Variants in BBX observed in about 807,000 individuals in gnomAD.
BBX encodes the protein HMG box transcription factor BBX.
A neutral mutation model predicts 100.2 loss-of-function variants in BBX; 30 were observed. The ratio of observed to expected loss-of-function variants is 0.30; its 90% confidence interval spans 0.22 to 0.41. The LOEUF is 0.41. Ranked by LOEUF, BBX falls within the 10% of genes least tolerant of loss-of-function variation. The pLI, the probability that BBX is intolerant of heterozygous loss-of-function variation, is 1.00. For missense variants in BBX, 1,023 were observed against 1,129.8 expected, an observed-to-expected ratio of 0.91 and a Z score of 1.35; for synonymous variants, 376 against 388.1, an observed-to-expected ratio of 0.97 and a Z score of 0.37.
At chr3:107,792,906 A>G (rs1228790546) in intron 15 of BBX, among the ~76,000 whole-genome samples, 4 of 152,118 alleles carry the variant, frequency 2.6e-5, no homozygotes, top group Non-Finnish European at 5.9e-5. Context: ...TGAAAACCCT[A>G]CAGAGGTACC....
In BBX at chr3:107,763,255, C is replaced by T. The variant is rs6437741; in HGVS notation, c.906+7577C>T. ...TTTTTTTTTTTTTGAGACAGAGTCT[C>T]GCTCTGTTGCCCAGGCTGGAGTGCG... On this transcript the variant is annotated intron_variant, in intron 10 of 17. Coordinates refer to ENST00000325805, the MANE Select transcript of BBX (RefSeq NM_001142568.3). 2.1e-3 allele frequency among the ~76,000 whole-genome samples: 302 copies of T among 146,650 alleles called. 1 individual carries two copies. Among genetic ancestry groups the T allele is most frequent in the African/African-American group, 6.9e-3 (275 of 39,802 alleles).
chr3:107,725,444 T>C (rs2062851517), intron 5 of BBX, among the ~76,000 whole-genome samples: 1 of 152,108 alleles, frequency 6.6e-6, no homozygotes, highest in Admixed American at 6.6e-5. Context: ...TCCAACACTA[T>C]GTTGAATAGG....
intron 3 of BBX, among the ~76,000 whole-genome samples, chr3:107,696,900 T>G (rs2060646872): frequency 1.3e-5 from 2 of 151,668 alleles, no homozygotes; most frequent in Admixed American, 6.5e-5. Context: ...GTCGTTTCTT[T>G]TTATTCTTTT....
intron 3 of BBX, among the ~76,000 whole-genome samples, chr3:107,655,511 AT>A (rs35368803): frequency 0.39 from 45,819 of 117,280 alleles, 9,342 homozygotes; most frequent in East Asian, 0.82. Flanking sequence ...ATGATAATTA[AT>A]TTTTTTTTTT....
rs767894559 is a variant in BBX, at chr3:107,732,946, A to G, written c.602-10A>G. 6.2e-7 allele frequency: 1 copy of G among 1,610,958 alleles called. No individual in the cohort carries two copies. The highest frequency in any genetic ancestry group is 8.5e-7 in the Non-Finnish European group (1 of 1,178,350). ...CTTATAAGTTGGTGATTTGTTTTTG[A>G]CTTATTTAGATCCTACTCAAATGGG... On this transcript the variant is annotated splice_polypyrimidine_tract_variant and intron_variant, in intron 6 of 17. Transcript: ENST00000325805.
chr3:107,760,565 TAA>T (rs2065818413), intron 10 of BBX, among the ~76,000 whole-genome samples: 1 of 152,040 alleles, frequency 6.6e-6, no homozygotes, highest in Admixed American at 6.6e-5. Flanking sequence ...GAATAAGAAA[TAA>T]AGAGTGCAAG....
chr3:107,615,844 G>A (rs1016916339), intron 2 of BBX, among the ~76,000 whole-genome samples: 2 of 151,930 alleles, frequency 1.3e-5, no homozygotes, highest in Non-Finnish European at 2.9e-5. Flanking sequence ...GGCAATCATT[G>A]GCATATATTA....
intron 3 of BBX, among the ~76,000 whole-genome samples, chr3:107,698,423 C>T (rs1443736926): frequency 6.6e-6 from 1 of 151,484 alleles, no homozygotes; most frequent in Non-Finnish European, 1.5e-5. Context: ...GAGGCTGAAG[C>T]GGGCGGCTCA....
intron 3 of BBX, among the ~76,000 whole-genome samples, chr3:107,670,612 T>C (rs1001656112): frequency 1.3e-5 from 2 of 152,058 alleles, no homozygotes; most frequent in African/African-American, 2.4e-5. Flanking sequence ...TAAACAGGAA[T>C]GTTTAGGAAA....
chr3:107,531,352 C>T (rs991192900), intron 2 of BBX, among the ~76,000 whole-genome samples: 6 of 152,076 alleles, frequency 3.9e-5, no homozygotes, highest in East Asian at 1.9e-4. Context: ...TTATTAGTTG[C>T]GGGACTCTGA....
At chr3:107,723,045 T>TA (rs2062653123) in intron 5 of BBX, among the ~76,000 whole-genome samples, 1 of 152,060 alleles carries the variant, frequency 6.6e-6, no homozygotes, top group Non-Finnish European at 1.5e-5. Flanking sequence ...TATCTCTTTC[T>TA]AAAAAATCCA....
intron 5 of BBX, among the ~76,000 whole-genome samples, chr3:107,727,846 G>A (rs1227417398): frequency 6.6e-6 from 1 of 152,132 alleles, no homozygotes; most frequent in Non-Finnish European, 1.5e-5. Flanking sequence ...AAGCTTATGG[G>A]ATTGAATGAA....
chr3:107,630,828 T>C (rs773337750), intron 2 of BBX, among the ~76,000 whole-genome samples: 2 of 152,094 alleles, frequency 1.3e-5, no homozygotes, highest in Non-Finnish European at 2.9e-5. Context: ...TACTCAACAG[T>C]GTCAGTCATG....
intron 2 of BBX, among the ~76,000 whole-genome samples, chr3:107,607,628 A>G (rs542176695): frequency 2.0e-5 from 3 of 150,820 alleles, no homozygotes; most frequent in Non-Finnish European, 1.5e-5. Flanking sequence ...TTTCTGAGGA[A>G]CCTCCCAACC....
chr3:107,755,279 T>G (rs2065385289), intron 9 of BBX, among the ~76,000 whole-genome samples: 1 of 152,212 alleles, frequency 6.6e-6, no homozygotes, highest in South Asian at 2.1e-4. Flanking sequence ...TATATTTGAC[T>G]AGTTATTAAG....
At chr3:107,621,268 T>G (rs1559883918) in intron 2 of BBX, among the ~76,000 whole-genome samples, 1 of 152,208 alleles carries the variant, frequency 6.6e-6, no homozygotes, top group Non-Finnish European at 1.5e-5. Flanking sequence ...CTTCTTCAGT[T>G]CGAAGTTGCA....
chr3:107,705,879 A>C (rs542614581), intron 3 of BBX, among the ~76,000 whole-genome samples: 2 of 152,150 alleles, frequency 1.3e-5, no homozygotes, highest in Admixed American at 6.5e-5. Context: ...AAGGAAGCCT[A>C]TCAGGCTCCA....
In BBX at chr3:107,579,737, T is replaced by C. The variant is rs550794968; in HGVS notation, c.-84+53339T>C. ...GGAGTTTAATCCTCACTGTTGGTAATAGTTTGTTCTTCCCCAGTTTGCATA... is the reference window on the plus strand; with the variant it reads ...GGAGTTTAATCCTCACTGTTGGTAACAGTTTGTTCTTCCCCAGTTTGCATA... On this transcript the variant is annotated intron_variant, in intron 2 of 17. Coordinates refer to ENST00000325805, the MANE Select transcript of BBX (RefSeq NM_001142568.3). Among the ~76,000 whole-genome samples the C allele has an allele frequency of 1.9e-3, 284 of 152,356 alleles. 1 individual carries two copies. The highest frequency in any genetic ancestry group is 6.2e-3 in the African/African-American group (259 of 41,588).
intron 5 of BBX, among the ~76,000 whole-genome samples, chr3:107,724,677 T>C (rs1352598858): frequency 1.3e-5 from 2 of 152,194 alleles, no homozygotes; most frequent in Non-Finnish European, 2.9e-5. Context: ...CCTTTCCCCA[T>C]TTCTTGTTTT....
Sources: gnomAD v4.1 joint callset for allele counts (sites outside exome capture counted in the v4.1 genomes callset) on GRCh38, gnomAD v4.1.1 for gene constraint, MANE v1.5 for transcripts, NCBI Gene and HGNC (gene_info 2026-07-23, HGNC 2026-07-21) for gene names.